Variants in NETO2 observed in about 807,000 individuals in gnomAD.
NETO2 encodes the protein neuropilin and tolloid like 2, also known as neuropilin and tolloid-like protein 2.
A neutral mutation model predicts 62.5 loss-of-function variants in NETO2; 28 were observed. That is an observed-to-expected ratio of 0.45 (90% CI 0.33 to 0.61). The LOEUF (loss-of-function observed/expected upper bound fraction) is 0.61. Ranked by LOEUF, NETO2 falls within the 20% of genes least tolerant of loss-of-function variation. NETO2 has a pLI of 0.02. For missense variants in NETO2, 548 were observed against 643.2 expected (o/e 0.85, Z 1.60); for synonymous variants, 214 against 219.1 (o/e 0.98, Z 0.21).
chr16:47,110,906 T>C (rs1346221024), intron 6 of NETO2, among the ~76,000 whole-genome samples: 2 of 152,218 alleles, frequency 1.3e-5, no homozygotes, highest in Non-Finnish European at 2.9e-5. Flanking sequence ...AATTTTGGTT[T>C]ATTTGAAATG....
At chr16:47,133,188 T>A (rs897790357) in intron 1 of NETO2, among the ~76,000 whole-genome samples, 1 of 151,680 alleles carries the variant, frequency 6.6e-6, no homozygotes, top group Admixed American at 6.6e-5. Context: ...TTAAGGGAAA[T>A]AGAATGAGGA....
chr16:47,081,858 GA>G lies in NETO2; in HGVS notation c.*1362del, dbSNP rs1963066888. The G allele has an allele frequency of 6.6e-6, 1 of 152,434 alleles. No homozygotes were observed. The highest frequency in any genetic ancestry group is 6.5e-5 in the Admixed American group (1 of 15,272). 9.4% of individuals were successfully genotyped at this position (152,434 alleles called of 1,614,324 possible). The stretch of plus-strand genomic sequence containing the variant: ...ATTTAGAGCATAAATATCACACAGT[GA>G]AAAATTTATCACAAACTAAATACAG... On this transcript the variant is annotated 3_prime_UTR_variant, in exon 9 of 9. Coordinates refer to ENST00000562435, the MANE Select transcript of NETO2 (RefSeq NM_018092.5).
At position 47,131,935 on chromosome 16, in the gene NETO2, A is replaced by G. The variant is rs146896192; in HGVS notation, c.91+34T>C. ...TCAAATAAGCCAGTCCATTGTCTTA[A>G]ACATGCAGTAAGTCACCAATGTAAG... On this transcript the variant is annotated intron_variant, in intron 2 of 8. Coordinates refer to ENST00000562435, the MANE Select transcript of NETO2 (RefSeq NM_018092.5). 1.3e-3 allele frequency: 2,002 copies of G among 1,577,772 alleles called. 19 individuals are homozygous for G. In the African/African-American group the frequency reaches 0.024, roughly 19 times the overall value.
intron 7 of NETO2, among the ~76,000 whole-genome samples, chr16:47,098,242 C>A (rs1254997321): frequency 6.6e-6 from 1 of 152,154 alleles, no homozygotes; most frequent in Non-Finnish European, 1.5e-5. Context: ...GCTAAAGGAG[C>A]ATGTTCTAAC....
chr16:47,139,122 C>G (rs545997757), intron 1 of NETO2, among the ~76,000 whole-genome samples: 2 of 152,308 alleles, frequency 1.3e-5, no homozygotes, highest in African/African-American at 4.8e-5. Context: ...CTGTCTGATT[C>G]ACTGATGCAT....
At chr16:47,116,448 T>C (rs1478249570) in intron 6 of NETO2, among the ~76,000 whole-genome samples, 2 of 152,248 alleles carry the variant, frequency 1.3e-5, no homozygotes, top group African/African-American at 4.8e-5. Flanking sequence ...TTTTCAAATG[T>C]TGAACCAGAC....
At chr16:47,090,673 A>C (rs941250840) in intron 7 of NETO2, among the ~76,000 whole-genome samples, 1 of 152,210 alleles carries the variant, frequency 6.6e-6, no homozygotes, top group African/African-American at 2.4e-5. Context: ...GCCTGCAGGC[A>C]GTATGTCACC....
chr16:47,091,954 T>C (rs1277799914), intron 7 of NETO2, among the ~76,000 whole-genome samples: 3 of 151,978 alleles, frequency 2.0e-5, no homozygotes, highest in African/African-American at 7.2e-5. Context: ...GTGATCCTCC[T>C]GTCTCAGCCT....
At chr16:47,106,262 A>G (rs927299596) in intron 7 of NETO2, among the ~76,000 whole-genome samples, 1 of 152,340 alleles carries the variant, frequency 6.6e-6, no homozygotes. Flanking sequence ...GGAAATTCAC[A>G]GAGACAGAAA....
chr16:47,140,152 C>A (rs530306208), intron 1 of NETO2, among the ~76,000 whole-genome samples: 45 of 152,286 alleles, frequency 3.0e-4, no homozygotes, highest in Admixed American at 6.5e-4. Flanking sequence ...TCCCACCAAT[C>A]ACAGCAACTC....
At chr16:47,138,161 C>T (rs769917038) in intron 1 of NETO2, among the ~76,000 whole-genome samples, 14 of 152,094 alleles carry the variant, frequency 9.2e-5, no homozygotes, top group Non-Finnish European at 1.5e-4. Flanking sequence ...CAGCACTTTG[C>T]GAGGCTGAGG....
At chr16:47,114,453 T>TC (rs1203879521) in intron 6 of NETO2, among the ~76,000 whole-genome samples, 2 of 124,336 alleles carry the variant, frequency 1.6e-5, no homozygotes, top group Non-Finnish European at 3.4e-5. Context: ...TTTTTTTTTT[T>TC]TTTTTTTTTT....
At chr16:47,134,845 A>C (rs1335277584) in intron 1 of NETO2, among the ~76,000 whole-genome samples, 1 of 152,270 alleles carries the variant, frequency 6.6e-6, no homozygotes, top group African/African-American at 2.4e-5. Context: ...AAATTTGCAC[A>C]GAATACACAA....
intron 6 of NETO2, among the ~76,000 whole-genome samples, chr16:47,113,161 T>A (rs979057466): frequency 1.1e-4 from 17 of 152,338 alleles, no homozygotes; most frequent in Admixed American, 9.8e-4. Flanking sequence ...CCAGAGCACA[T>A]CCGAAATAGC....
At chr16:47,140,806 G>C (rs1041626376) in intron 1 of NETO2, among the ~76,000 whole-genome samples, 2 of 152,206 alleles carry the variant, frequency 1.3e-5, no homozygotes, top group Non-Finnish European at 2.9e-5. Context: ...TCTCAGACAA[G>C]ATTTTTAAAT....
chr16:47,120,435 T>C (rs911895236), intron 6 of NETO2, among the ~76,000 whole-genome samples: 3 of 152,228 alleles, frequency 2.0e-5, no homozygotes, highest in African/African-American at 7.2e-5. Flanking sequence ...TATCATGATA[T>C]AGGTATACAG....
chr16:47,090,593 C>T (rs1963291790), intron 7 of NETO2, among the ~76,000 whole-genome samples: 1 of 151,820 alleles, frequency 6.6e-6, no homozygotes, highest in Non-Finnish European at 1.5e-5. Context: ...AATTTTGTGT[C>T]CCCCCCAATT....
chr16:47,143,409 C>T (rs945045650), intron 1 of NETO2, among the ~76,000 whole-genome samples, 170 bp downstream of exon 1: 1 of 151,920 alleles, frequency 6.6e-6, no homozygotes, highest in African/African-American at 2.4e-5. Context: ...GCCGGCGGAG[C>T]CGGGCAGGGC....
intron 1 of NETO2, among the ~76,000 whole-genome samples, chr16:47,142,917 C>G (rs1203240119): frequency 6.6e-6 from 1 of 152,078 alleles, no homozygotes; most frequent in Non-Finnish European, 1.5e-5. Flanking sequence ...TCTGGCGGAG[C>G]GCGAGGAGCG....
Sources: allele counts gnomAD v4.1 joint callset (sites outside exome capture counted in the v4.1 genomes callset), GRCh38; gene constraint gnomAD v4.1.1; transcripts MANE v1.5; gene names NCBI Gene and HGNC (gene_info 2026-07-23, HGNC 2026-07-21).